Variants in SHROOM3 observed in about 807,000 individuals in gnomAD.
SHROOM3 encodes the protein shroom family member 3, also known as protein Shroom3.
A neutral mutation model predicts 138.6 loss-of-function variants in SHROOM3; 47 were observed. The ratio of observed to expected loss-of-function variants is 0.34; its 90% CI spans 0.27 to 0.43. SHROOM3 has a LOEUF of 0.43. SHROOM3 is among the 20% of genes least tolerant of loss of function. SHROOM3 has a pLI of 1.00. For missense variants in SHROOM3, 2,491 were observed against 2,596.5 expected (o/e 0.96, Z 0.88); for synonymous variants, 1,062 against 1,063.3 (o/e 1.00, Z 0.02).
At chr4:76,604,187 G>T (rs1161106318) in intron 2 of SHROOM3, among the ~76,000 whole-genome samples, 1 of 152,182 alleles carries the variant, frequency 6.6e-6, no homozygotes, top group Non-Finnish European at 1.5e-5. Flanking sequence ...ACATTTATTA[G>T]AATTGGAGCC....
intron 1 of SHROOM3, among the ~76,000 whole-genome samples, chr4:76,484,101 C>T (rs1731677495): frequency 6.6e-6 from 1 of 151,978 alleles, no homozygotes; most frequent in African/African-American, 2.4e-5. Flanking sequence ...ATATAACAAA[C>T]CTGCATGTTC....
At chr4:76,725,523 T>C (rs1720676506) in intron 3 of SHROOM3, among the ~76,000 whole-genome samples, 5 of 152,216 alleles carry the variant, frequency 3.3e-5, no homozygotes, top group Admixed American at 3.3e-4. Flanking sequence ...GTACAAATAA[T>C]GTATAGTGAT....
intron 2 of SHROOM3, among the ~76,000 whole-genome samples, chr4:76,638,254 G>A (rs1735559463): frequency 6.6e-6 from 1 of 152,174 alleles, no homozygotes; most frequent in Non-Finnish European, 1.5e-5. Context: ...TCCAATGCAT[G>A]GGTTGCCTCT....
intron 2 of SHROOM3, among the ~76,000 whole-genome samples, chr4:76,584,604 G>A (rs1272811644): frequency 2.6e-5 from 4 of 152,214 alleles, no homozygotes. Flanking sequence ...CCGGCTGATT[G>A]TGATAAACAA....
At chr4:76,480,314 C>CA (rs1731579805) in intron 1 of SHROOM3, among the ~76,000 whole-genome samples, 1 of 151,726 alleles carries the variant, frequency 6.6e-6, no homozygotes, top group Admixed American at 6.6e-5. Context: ...AAATGGAAAG[C>CA]AAAAAAGGAA....
intron 2 of SHROOM3, among the ~76,000 whole-genome samples, chr4:76,657,037 C>G (rs1006487026): frequency 2.0e-5 from 3 of 151,926 alleles, no homozygotes; most frequent in African/African-American, 7.3e-5. Flanking sequence ...ATTAGATGGG[C>G]GTGGTGGCAG....
intron 2 of SHROOM3, among the ~76,000 whole-genome samples, chr4:76,682,032 C>T (rs1417200409): frequency 2.0e-5 from 3 of 152,162 alleles, no homozygotes; most frequent in Admixed American, 1.3e-4. Flanking sequence ...TCCACTTTCC[C>T]TCTGGCTCTC....
At chr4:76,610,847 T>C (rs1322382176) in intron 2 of SHROOM3, among the ~76,000 whole-genome samples, 3 of 152,196 alleles carry the variant, frequency 2.0e-5, no homozygotes, top group Admixed American at 6.5e-5. Flanking sequence ...TTCTCACTGA[T>C]GAACATGTTT....
At chr4:76,667,020 T>G (rs1467607110) in intron 2 of SHROOM3, among the ~76,000 whole-genome samples, 3 of 152,158 alleles carry the variant, frequency 2.0e-5, no homozygotes, top group East Asian at 1.9e-4. Flanking sequence ...TTACCTAGAA[T>G]AGTCAAATTC....
intron 4 of SHROOM3, among the ~76,000 whole-genome samples, chr4:76,736,591 A>G (rs912726986): frequency 2.0e-5 from 3 of 152,262 alleles, no homozygotes; most frequent in Admixed American, 1.3e-4. Flanking sequence ...ATAGAAGAAT[A>G]CATCATGAAT....
At chr4:76,772,739 A>G (rs1722406959) in intron 10 of SHROOM3, among the ~76,000 whole-genome samples, 1 of 152,174 alleles carries the variant, frequency 6.6e-6, no homozygotes, top group Non-Finnish European at 1.5e-5. Context: ...GCTGGGGACA[A>G]ATGCTGACTA....
intron 2 of SHROOM3, among the ~76,000 whole-genome samples, chr4:76,644,776 T>C (rs1735776345): frequency 6.6e-6 from 1 of 152,180 alleles, no homozygotes; most frequent in African/African-American, 2.4e-5. Flanking sequence ...TCACGTTCTT[T>C]TGCAATTACC....
intron 1 of SHROOM3, among the ~76,000 whole-genome samples, chr4:76,491,567 TTGG>T (rs1731850391): frequency 6.6e-6 from 1 of 152,176 alleles, no homozygotes; most frequent in Non-Finnish European, 1.5e-5. Flanking sequence ...TCTTCCTGCT[TTGG>T]GTTTCAAATG....
At position 76,754,909 on chromosome 4, in the gene SHROOM3, C is replaced by T. The variant is rs764347907; in HGVS notation, c.4426C>T (p.Leu1476Phe). 2.5e-5 allele frequency: 41 copies of T among 1,614,216 alleles called. No homozygotes were observed. The highest frequency in any genetic ancestry group is 3.4e-5 in the Non-Finnish European group (40 of 1,180,032). Reference protein sequence around the residue: ...LCSTSDPDTPLGAPSTPGRIS... With the variant: ...LCSTSDPDTPFGAPSTPGRIS... ...CAGCACTTCTGACCCAGACACACCT[C>T]TTGGGGCCCCGAGCACTCCAGGGAG... is the stretch of plus-strand genomic sequence containing the variant. The change falls in exon 7 of 11, where the codon CTT becomes TTT. Residue 1476 changes from leucine (L) to phenylalanine (F), a missense_variant. Transcript: ENST00000296043.
intron 2 of SHROOM3, among the ~76,000 whole-genome samples, chr4:76,603,159 C>T (rs1734540572): frequency 6.6e-6 from 1 of 152,166 alleles, no homozygotes; most frequent in South Asian, 2.1e-4. Context: ...TGGCTCACAC[C>T]TGTAATCCCA....
chr4:76,441,086 GTTTT>G (rs374530154), intron 1 of SHROOM3, among the ~76,000 whole-genome samples: 3 of 82,182 alleles, frequency 3.7e-5, no homozygotes, highest in African/African-American at 1.4e-4. Flanking sequence ...AGTTCAATTT[GTTTT>G]TTTTTTTTTT....
chr4:76,777,164 T>C (rs1722596595), intron 10 of SHROOM3, among the ~76,000 whole-genome samples: 1 of 152,200 alleles, frequency 6.6e-6, no homozygotes, highest in African/African-American at 2.4e-5. Context: ...GGGAATTGCA[T>C]TGAATTTGTA....
At position 76,553,639 on chromosome 4, in the gene SHROOM3, T is replaced by C. The variant is rs139143442; in HGVS notation, c.169-1970T>C. Among the ~76,000 whole-genome samples, 77 of 152,108 alleles carry C rather than the reference T, an allele frequency of 5.1e-4. 1 individual carries two copies. In the East Asian group the frequency reaches 0.011, roughly 22 times the overall value. ...CCAACTAGCTGGGATTACAGGTGTG[T>C]GCCACCACACCCGTCTAATTTTTGT... On this transcript the variant is annotated intron_variant, in intron 1 of 10. Transcript: ENST00000296043.
chr4:76,476,704 G>A (rs921453791), intron 1 of SHROOM3, among the ~76,000 whole-genome samples: 114 of 152,002 alleles, frequency 7.5e-4, no homozygotes, highest in Non-Finnish European at 2.6e-4. Flanking sequence ...TTTTTCTTAA[G>A]CAGAAATAGC....
Sources: gnomAD v4.1 joint callset for allele counts (sites outside exome capture counted in the v4.1 genomes callset) on GRCh38, gnomAD v4.1.1 for gene constraint, MANE v1.5 for transcripts, NCBI Gene and HGNC (gene_info 2026-07-23, HGNC 2026-07-21) for gene names.